The following MFSD12 variants were observed in gnomAD, a reference collection of about 807,000 sequenced individuals.
The protein encoded by MFSD12 is major facilitator superfamily domain-containing protein 12.
In MFSD12, 67 loss-of-function variants were observed where a neutral mutation model predicts 51.2. That is an observed-to-expected ratio of 1.31 (90% CI 1.08 to 1.60). MFSD12 has a LOEUF of 1.60. Among genes scored for constraint, MFSD12 ranks in the 40% most tolerant of loss-of-function variants. The probability of loss-of-function intolerance (pLI) is 0.00; values close to 1 mark genes in which losing one functional copy is unlikely to be tolerated. For synonymous variants in MFSD12, 441 were observed against 316.7 expected (o/e 1.39, Z -4.17); for missense variants, 921 against 673.0 (o/e 1.37, Z -4.08).
At chr19:3,550,874 T>C in intron 2 of MFSD12, 110 bp downstream of exon 2, 1 of 865,648 alleles carries the variant, frequency 1.2e-6, no homozygotes, top group Non-Finnish European at 1.8e-6. Flanking sequence ...CATGAAAGAC[T>C]GCCTGGTCTC....
At position 3,547,945 on chromosome 19, in the gene MFSD12, G is replaced by T. The variant is rs373152041; in HGVS notation, c.740C>A (p.Ala247Glu). The T allele has an allele frequency of 6.3e-7, 1 of 1,593,632 alleles. No homozygotes were observed. Among genetic ancestry groups the T allele is most frequent in the Non-Finnish European group, 8.5e-7 (1 of 1,176,840 alleles). Reference protein sequence around the residue: ...LGTRERRRPHAEEPGEHTPLL... With the variant: ...LGTRERRRPHEEEPGEHTPLL... ...GGGGGTGTGCTCGCCTGGCTCCTCC[G>T]CATGCGGCCGGCGCCTCTCCCGGGT... Residue 247 changes from alanine to glutamate, a missense_variant, in exon 4 of 10, where the codon GCG (alanine) becomes GAG (glutamate). Physicochemically the swap from Ala to Glu is moderately radical, Grantham distance 107. Coordinates refer to ENST00000355415, the MANE Select transcript of MFSD12 (RefSeq NM_174983.5).
Position 3,557,246 on chromosome 19 carries a change from T to A in MFSD12, c.158A>T (p.Tyr53Phe), listed in dbSNP as rs773383241. The change falls in exon 1 of 10, where the codon TAC (tyrosine) becomes TTC (phenylalanine). Residue 53 changes from tyrosine to phenylalanine, a missense_variant. Coordinates refer to ENST00000355415, the MANE Select transcript of MFSD12 (RefSeq NM_174983.5). ...CAGCAGCCCCGCGCCGCGGGAGCTG[T>A]AGGCGCGCACCGAGTGCAGGTAGAG... ...LLLYLHSVRA[Y>F]SSRGAGLLLL... 3.1e-6 allele frequency: 5 copies of A among 1,593,930 alleles called. No homozygotes were observed. Among genetic ancestry groups the A allele is most frequent in the Non-Finnish European group, 4.3e-6 (5 of 1,172,132 alleles).
chr19:3,544,569 C>G lies in MFSD12; in HGVS notation c.*141G>C. On this transcript the variant is annotated 3_prime_UTR_variant, in exon 10 of 10. Transcript: ENST00000355415. ...CATCCCTGCTGCCCTCACCCGACCC[C>G]ACCCCCGGGAGCTGGGTGAGGATGG... 2 of 1,453,566 alleles carry G rather than the reference C, an allele frequency of 1.4e-6. No individual in the cohort carries two copies. Among genetic ancestry groups the G allele is most frequent in the South Asian group, 2.9e-5 (2 of 69,064 alleles). 90.0% of individuals were successfully genotyped at this position (1,453,566 alleles called of 1,614,324 possible). A position where few individuals can be genotyped will look rare whatever the true frequency, so the allele number is the denominator to read the frequency against.
At chr19:3,548,340 C>T (rs565308643) in intron 2 of MFSD12, 73 bp from the exon 3 acceptor site, 26 of 1,524,058 alleles carry the variant, frequency 1.7e-5, no homozygotes, top group East Asian at 7.4e-5. Context: ...GTGGCTACGC[C>T]GTCAGAGAGG....
rs972995241 is a variant in MFSD12, at chr19:3,539,007, C to T, written c.*6-251G>A. ...CTTGCCCACCCACACTGTGTCACCCCCAGTTGTTAAATACTCAGAACGACT... is the reference window on the plus strand; with the variant it reads ...CTTGCCCACCCACACTGTGTCACCCTCAGTTGTTAAATACTCAGAACGACT... On this transcript the variant is annotated intron_variant, in intron 4 of 4. Transcript: ENST00000398558. 18 of 629,594 alleles carry T rather than the reference C, an allele frequency of 2.9e-5. No homozygotes were observed. The Admixed American group carries it at 3.3e-4, about 11-fold the overall frequency. The allele number at this position is 629,594 out of a possible 1,614,324, so 39.0% of individuals were successfully genotyped here. A position where few individuals can be genotyped will look rare whatever the true frequency, so the allele number is the denominator to read the frequency against.
At chr19:3,543,364 C>A (rs766872589), downstream of MFSD12, 6 of 1,549,350 alleles carry the variant, frequency 3.9e-6, no homozygotes, top group Non-Finnish European at 4.4e-6. Flanking sequence ...CCAACTCGGA[C>A]GCCTGGGAAG....
downstream of MFSD12, chr19:3,543,153 A>T: frequency 6.6e-7 from 1 of 1,514,438 alleles, no homozygotes; most frequent in Non-Finnish European, 8.8e-7. Context: ...CCTCTACATC[A>T]TCCACCCTGG....
intron 6 of MFSD12, among the ~76,000 whole-genome samples, chr19:3,546,776 G>A (rs2031095466): frequency 1.3e-5 from 2 of 152,244 alleles, no homozygotes; most frequent in South Asian, 2.1e-4. Flanking sequence ...ATGGCTGCGA[G>A]TGTATAAACT....
exon 5 of MFSD12, chr19:3,538,735 G>A (rs1344357411): frequency 2.1e-6 from 1 of 481,176 alleles, no homozygotes. Context: ...GCTGCTGTGA[G>A]CCACTGCGTG....
downstream of MFSD12, chr19:3,541,813 G>A (rs891940401): frequency 7.1e-6 from 7 of 984,276 alleles, no homozygotes; most frequent in Admixed American, 2.5e-4. Context: ...ATTCTGTGCT[G>A]TTTTGTTTGT....
chr19:3,546,624 G>A (rs114681265), intron 6 of MFSD12, among the ~76,000 whole-genome samples, 199 bp from the exon 7 acceptor site: 2,832 of 152,372 alleles, frequency 0.019, 85 homozygotes, highest in South Asian at 0.1. Context: ...TGTCCACGCC[G>A]TAGCGGCTGG....
Position 3,546,185 on chromosome 19 carries a change from G to T in MFSD12, c.1195-17C>A. ...TCCGCTGTTCTGTGGAGACACAGGC[G>T]AGGTGGTCAGCGTGCACCCCGAGAT... On this transcript the variant is annotated splice_polypyrimidine_tract_variant and intron_variant, in intron 7 of 9. Coordinates refer to ENST00000355415, the MANE Select transcript of MFSD12 (RefSeq NM_174983.5). 6.2e-7 allele frequency: 1 copy of T among 1,611,648 alleles called. No homozygotes were observed. The highest frequency in any genetic ancestry group is 8.5e-7 in the Non-Finnish European group (1 of 1,178,984).
chr19:3,550,581 C>A (rs532330920), intron 2 of MFSD12, among the ~76,000 whole-genome samples: 3 of 152,038 alleles, frequency 2.0e-5, no homozygotes, highest in African/African-American at 4.8e-5. Flanking sequence ...TTAGTAGAGA[C>A]GAGGTTTCAC....
At chr19:3,547,571 C>G in intron 4 of MFSD12, 24 bp from the exon 5 acceptor site, 1 of 1,590,676 alleles carries the variant, frequency 6.3e-7, no homozygotes, top group South Asian at 1.1e-5. Context: ...GACAGAGGGA[C>G]TGGCAGGGGT....
chr19:3,544,146 ATGCCCAGGCTACCCC>A (rs1450124868), downstream of MFSD12: 5 of 1,403,498 alleles, frequency 3.6e-6, no homozygotes, highest in Admixed American at 3.1e-5. Flanking sequence ...CAGGGCTGAG[ATGCCCAGGCTACCCC>A]TGCCCAGAGC....
At chr19:3,546,466 G>A (rs770315774) in intron 6 of MFSD12, 41 bp from the exon 7 acceptor site, 14 of 1,558,900 alleles carry the variant, frequency 9.0e-6, no homozygotes, top group Middle Eastern at 2.1e-4. Context: ...ACCACTGGGT[G>A]CCCCCAAGCC....
Position 3,547,762 on chromosome 19 carries a change from G to C in MFSD12, c.837+86C>G, listed in dbSNP as rs1404439902. On this transcript the variant is annotated intron_variant, in intron 4 of 9. Transcript: ENST00000355415. ...CTGCACCAGGGGCCACGTGTGCTCT[G>C]CGTCTGGACGCAGCTGCCCCACAGA... 6 of 1,422,488 alleles carry C rather than the reference G, an allele frequency of 4.2e-6. No individual in the cohort carries two copies. In the East Asian group the frequency reaches 1.0e-4, roughly 24 times the overall value. The allele number at this position is 1,422,488 out of a possible 1,614,324, so 88.1% of individuals were successfully genotyped here.
Position 3,544,421 on chromosome 19 carries a change from G to C in MFSD12, c.*289C>G. On this transcript the variant is annotated 3_prime_UTR_variant, in exon 10 of 10. Transcript: ENST00000355415. ...GTTAGGGTTCCCCCAGACCCTTCTG[G>C]GATTCCTACTTCCTGTTCCCTGCCG... The C allele has an allele frequency of 1.5e-6, 2 of 1,327,160 alleles. No individual in the cohort carries two copies. Among genetic ancestry groups the C allele is most frequent in the Non-Finnish European group, 1.9e-6 (2 of 1,040,466 alleles). 82.2% of individuals were successfully genotyped at this position (1,327,160 alleles called of 1,614,324 possible).
In MFSD12 at chr19:3,547,832, C is replaced by T. The variant is rs1460375026; in HGVS notation, c.837+16G>A. On this transcript the variant is annotated intron_variant, in intron 4 of 9. Transcript: ENST00000355415. ...GAGAGAAGGCCCACGCCAGCCCCAC[C>T]GTCCCCAGCACGCACCTGGTAGAAA... The T allele has an allele frequency of 2.9e-5, 43 of 1,478,530 alleles. No individual in the cohort carries two copies. In the East Asian group the frequency reaches 7.2e-4, roughly 25 times the overall value. 91.6% of individuals were successfully genotyped at this position (1,478,530 alleles called of 1,614,324 possible).
Sources: allele counts gnomAD v4.1 joint callset (sites outside exome capture counted in the v4.1 genomes callset), GRCh38; gene constraint gnomAD v4.1.1; transcripts MANE v1.5; gene names NCBI Gene and HGNC (gene_info 2026-07-23, HGNC 2026-07-21).